Variants in SMIM35 observed in about 807,000 individuals in gnomAD.
SMIM35 encodes the protein small integral membrane protein 35, also known as TMPRSS4 antisense RNA 1 (non-protein coding).
At chr11:118,038,872 T>C (rs1267732651) in intron 1 of SMIM35, among the ~76,000 whole-genome samples, 3 of 152,052 alleles carry the variant, frequency 2.0e-5, no homozygotes, top group Non-Finnish European at 2.9e-5. Flanking sequence ...TAGAGCATGA[T>C]ACTTAGACAA....
chr11:118,036,301 A>T (rs544838070), intron 1 of SMIM35, among the ~76,000 whole-genome samples: 15 of 152,336 alleles, frequency 9.8e-5, no homozygotes, highest in African/African-American at 3.6e-4. Context: ...CTGGTAAATT[A>T]CCATTTTTCT....
chr11:118,034,427 C>T (rs1279629204), intron 1 of SMIM35, among the ~76,000 whole-genome samples: 1 of 151,942 alleles, frequency 6.6e-6, no homozygotes, highest in African/African-American at 2.4e-5. Context: ...TTATGGGTTA[C>T]AATAGGCTTA....
intron 1 of SMIM35, among the ~76,000 whole-genome samples, chr11:118,075,900 T>C (rs1275585229): frequency 1.4e-5 from 2 of 142,882 alleles, no homozygotes; most frequent in African/African-American, 5.2e-5. Flanking sequence ...TCTGTGGCTG[T>C]AAGGTTTCAC....
At chr11:118,026,755 C>T in intron 1 of SMIM35, among the ~76,000 whole-genome samples, 1 of 151,974 alleles carries the variant, frequency 6.6e-6, no homozygotes, top group Non-Finnish European at 1.5e-5. Flanking sequence ...ATTGCTTGAG[C>T]CCAGGAATTT....
Position 118,011,869 on chromosome 11 carries a change from T to C in SMIM35, c.*33+1879A>G, listed in dbSNP as rs141309082. On this transcript the variant is annotated intron_variant, in intron 4 of 4. Coordinates refer to ENST00000689828, the MANE Select transcript of SMIM35 (RefSeq NM_001394165.1). ...TCTCAGAACCACTAAGGGGCCTTCC[T>C]CACTCCCACTTACTCAGGGGCAGAA... Among the ~76,000 whole-genome samples, 187 of 152,218 alleles carry C rather than the reference T, an allele frequency of 1.2e-3. 5 individuals are homozygous for C. The East Asian group carries it at 0.033, about 27-fold the overall frequency.
chr11:118,010,106 A>T (rs1179193206), intron 4 of SMIM35, among the ~76,000 whole-genome samples: 1 of 152,268 alleles, frequency 6.6e-6, no homozygotes, highest in Non-Finnish European at 1.5e-5. Flanking sequence ...CTCAAAATGC[A>T]GTACCATGCA....
intron 1 of SMIM35, chr11:118,067,480 A>T (rs917236827): frequency 9.2e-5 from 14 of 152,110 alleles, no homozygotes; most frequent in African/African-American, 3.4e-4. Flanking sequence ...CAGTAGTAGG[A>T]TCATGCCTGT....
At chr11:118,014,345 G>A (rs566827680) in intron 3 of SMIM35, among the ~76,000 whole-genome samples, 2 of 152,190 alleles carry the variant, frequency 1.3e-5, no homozygotes, top group East Asian at 3.9e-4. Flanking sequence ...GAAAGGAAAG[G>A]AAGGAAGAAA....
At chr11:118,064,166 A>G (rs1284216814) in intron 1 of SMIM35, among the ~76,000 whole-genome samples, 1 of 152,224 alleles carries the variant, frequency 6.6e-6, no homozygotes, top group Non-Finnish European at 1.5e-5. Context: ...GTGTGTGGGG[A>G]GAACCCCCAG....
chr11:118,012,155 CAG>C (rs1413170585), intron 4 of SMIM35, among the ~76,000 whole-genome samples: 7 of 152,340 alleles, frequency 4.6e-5, no homozygotes, highest in African/African-American at 1.2e-4. Context: ...GGGCTGCTAG[CAG>C]AGAGGCTGGC....
rs552459289 is a variant in SMIM35 at position 118,065,146 on chromosome 11, T to C, written c.7+21605A>G. On this transcript the variant is annotated intron_variant, in intron 1 of 4. Coordinates refer to ENST00000689828, the MANE Select transcript of SMIM35 (RefSeq NM_001394165.1). ...CCCGTCCCTCCCCAGCCTAGGCAGC[T>C]GCACAGCGCCCAAACCTGCCCTGCC... 2.6e-5 allele frequency among the ~76,000 whole-genome samples: 4 copies of C among 152,346 alleles called. No individual in the cohort carries two copies. In the East Asian group the frequency reaches 7.7e-4, roughly 29 times the overall value.
At chr11:118,082,648 A>G (rs576995421) in intron 1 of SMIM35, among the ~76,000 whole-genome samples, 20 of 152,360 alleles carry the variant, frequency 1.3e-4, no homozygotes, top group African/African-American at 4.6e-4. Flanking sequence ...AGGGAAAACC[A>G]GTAGCTATAA....
Position 118,018,051 on chromosome 11 carries a change from C to G in SMIM35, c.8-2242G>C, listed in dbSNP as rs138774900. ...CCATACCAGGAGGTGAGAGAAGAAA[C>G]AAGCCTTAGAGGTATCTAGAGTGAA... is the stretch of plus-strand genomic sequence containing the variant. On this transcript the variant is annotated intron_variant, in intron 1 of 4. Coordinates refer to ENST00000689828, the MANE Select transcript of SMIM35 (RefSeq NM_001394165.1). Among the ~76,000 whole-genome samples, 337 of 152,224 alleles carry G rather than the reference C, an allele frequency of 2.2e-3. 1 individual carries two copies. Among genetic ancestry groups the G allele is most frequent in the African/African-American group, 6.7e-3 (279 of 41,540 alleles).
At chr11:118,008,646 A>G (rs986290533) in intron 4 of SMIM35, among the ~76,000 whole-genome samples, 5 of 152,252 alleles carry the variant, frequency 3.3e-5, no homozygotes, top group African/African-American at 1.2e-4. Context: ...GTAGTCAAGG[A>G]TGGGGAGAGA....
At chr11:118,079,905 G>A (rs968417232) in intron 1 of SMIM35, among the ~76,000 whole-genome samples, 3 of 152,186 alleles carry the variant, frequency 2.0e-5, no homozygotes, top group Non-Finnish European at 4.4e-5. Flanking sequence ...CAGTGGGAAG[G>A]TCCTAAAGGG....
intron 1 of SMIM35, among the ~76,000 whole-genome samples, chr11:118,048,946 C>CAAAAA (rs57261529): frequency 4.3e-4 from 26 of 60,496 alleles, no homozygotes; most frequent in African/African-American, 1.1e-3. Flanking sequence ...TGAAGAGCTG[C>CAAAAA]AAAAAAAAAA....
intron 1 of SMIM35, among the ~76,000 whole-genome samples, chr11:118,071,842 G>C (rs1372167657): frequency 6.6e-6 from 1 of 152,142 alleles, no homozygotes; most frequent in Admixed American, 6.5e-5. Flanking sequence ...TGGGGATCTT[G>C]GAATGCAGAC....
chr11:118,059,130 T>C (rs1944359264), intron 1 of SMIM35: 1 of 152,324 alleles, frequency 6.6e-6, no homozygotes, highest in Non-Finnish European at 1.5e-5. Flanking sequence ...AACATTAGGT[T>C]CTGCAGAGGC....
intron 1 of SMIM35, among the ~76,000 whole-genome samples, chr11:118,082,896 C>T (rs572157801): frequency 3.2e-4 from 49 of 152,330 alleles, no homozygotes; most frequent in Non-Finnish European, 6.6e-4. Context: ...GAGGTCTTCT[C>T]GGCGAGTGGG....
Sources: gnomAD v4.1 joint callset for allele counts (sites outside exome capture counted in the v4.1 genomes callset) on GRCh38, gnomAD v4.1.1 for gene constraint, MANE v1.5 for transcripts, NCBI Gene and HGNC (gene_info 2026-07-23, HGNC 2026-07-21) for gene names.